Variants in LMNB2 observed in about 807,000 individuals in gnomAD.
The protein encoded by LMNB2 is lamin-B2.
A neutral mutation model predicts 69.3 loss-of-function variants in LMNB2; 17 were observed. That is an observed-to-expected ratio of 0.25 (90% CI 0.17 to 0.37). LMNB2 has a LOEUF of 0.37. Ranked by LOEUF, LMNB2 falls within the 10% of genes least tolerant of loss-of-function variation. The pLI is 1.00. For missense variants in LMNB2, 789 were observed against 883.6 expected (o/e 0.89, Z 1.36); for synonymous variants, 397 against 389.3 (o/e 1.02, Z -0.23).
rs1311321128 is a variant in LMNB2 at position 2,431,766 on chromosome 19, A to G, written c.1710+17T>C. 6.2e-7 allele frequency: 1 copy of G among 1,613,474 alleles called. No individual in the cohort carries two copies. Among genetic ancestry groups the G allele is most frequent in the African/African-American group, 1.3e-5 (1 of 74,836 alleles). ...CCAGGACTCCAGCCGAGCACCCCCC[A>G]AGCCACACACACCCACCTCGCCATC... On this transcript the variant is annotated intron_variant, in intron 10 of 11. Coordinates refer to ENST00000325327, the MANE Select transcript of LMNB2 (RefSeq NM_032737.4).
intron 9 of LMNB2, among the ~76,000 whole-genome samples, 197 bp downstream of exon 9, chr19:2,432,219 C>T (rs953049575): frequency 6.6e-6 from 1 of 152,140 alleles, no homozygotes; most frequent in African/African-American, 2.4e-5. Flanking sequence ...ACCCAGGGCA[C>T]ACCACTCAGG....
chr19:2,431,097 T>C lies in LMNB2; in HGVS notation c.1822-145A>G, dbSNP rs567462179. 43 of 707,238 alleles carry C rather than the reference T, an allele frequency of 6.1e-5. No homozygotes were observed. The East Asian group carries it at 8.9e-4, about 15-fold the overall frequency. 43.8% of individuals were successfully genotyped at this position (707,238 alleles called of 1,614,324 possible). A position where few individuals can be genotyped will look rare whatever the true frequency, so the allele number is the denominator to read the frequency against. ...TCTAGAGCCTTCCATTCCACTTCCA[T>C]GTCCCCATGAGCCCGCCTGTGAGCT... On this transcript the variant is annotated intron_variant, in intron 11 of 11. Coordinates refer to ENST00000325327, the MANE Select transcript of LMNB2 (RefSeq NM_032737.4).
rs548747837 is a variant in LMNB2, at chr19:2,441,888, A to T, written c.401+2516T>A. Among the ~76,000 whole-genome samples, 217 of 152,350 alleles carry T rather than the reference A, an allele frequency of 1.4e-3. 1 individual carries two copies. The highest frequency in any genetic ancestry group is 5.1e-3 in the African/African-American group (214 of 41,582). ...GGGTGAGGTGGAAGAGGCAGGCTGCAGACCAGCTCAGAGGACTGGAGCGGA... is the reference window on the plus strand; with the variant it reads ...GGGTGAGGTGGAAGAGGCAGGCTGCTGACCAGCTCAGAGGACTGGAGCGGA... On this transcript the variant is annotated intron_variant, in intron 2 of 11. Transcript: ENST00000325327.
Position 2,431,983 on chromosome 19 carries a change from A to C in LMNB2, c.1591-81T>G. The C allele has an allele frequency of 2.6e-6, 4 of 1,526,762 alleles. No homozygotes were observed. The East Asian group carries it at 7.2e-5, about 28-fold the overall frequency. 94.6% of individuals were successfully genotyped at this position (1,526,762 alleles called of 1,614,324 possible). A position where few individuals can be genotyped will look rare whatever the true frequency, so the allele number is the denominator to read the frequency against. On this transcript the variant is annotated intron_variant, in intron 9 of 11. Coordinates refer to ENST00000325327, the MANE Select transcript of LMNB2 (RefSeq NM_032737.4). Reference sequence around the variant, plus strand: ...GGCCAGCCAGTGGCCCCTACCACAAAGCCCCCTTCAATGCCCTGGGCGTTC... The same window carrying C: ...GGCCAGCCAGTGGCCCCTACCACAACGCCCCCTTCAATGCCCTGGGCGTTC...
Position 2,456,683 on chromosome 19 carries a change from ACCT to A in LMNB2, c.248_250del (p.Glu83del), listed in dbSNP as rs1972094833. ...CCCGGCGCCCACCTCGCGCGTGGTC[ACCT>A]CCTCCTTCTCTGAGATCTTGAGCAG... On this transcript the variant is annotated inframe_deletion, in exon 1 of 12. Coordinates refer to ENST00000325327, the MANE Select transcript of LMNB2 (RefSeq NM_032737.4). The A allele has an allele frequency of 6.5e-7, 1 of 1,546,586 alleles. No individual in the cohort carries two copies. The highest frequency in any genetic ancestry group is 1.2e-5 in the South Asian group (1 of 84,824).
chr19:2,438,624 G>A, intron 2 of LMNB2, 93 bp from the exon 3 acceptor site: 12 of 1,469,686 alleles, frequency 8.2e-6, no homozygotes, highest in Non-Finnish European at 1.1e-5. Context: ...CCAAAGACAA[G>A]GTCACCGAGG....
At chr19:2,454,234 G>A (rs530674226) in intron 1 of LMNB2, among the ~76,000 whole-genome samples, 37 of 150,952 alleles carry the variant, frequency 2.5e-4, no homozygotes, top group African/African-American at 8.8e-4. Context: ...CAGAGGGTGC[G>A]GGGAGCTAAG....
At position 2,438,293 on chromosome 19, in the gene LMNB2, G is replaced by C. The variant is rs748713561; in HGVS notation, c.559-5C>G. ...CACTGCATGACCGTCCTCGGCCTGG[G>C]AGACACAGGACAGCGAGCTGGTGTG... On this transcript the variant is annotated splice_region_variant and splice_polypyrimidine_tract_variant and intron_variant, in intron 3 of 11. Coordinates refer to ENST00000325327, the MANE Select transcript of LMNB2 (RefSeq NM_032737.4). 6.2e-7 allele frequency: 1 copy of C among 1,613,944 alleles called. No homozygotes were observed. Among genetic ancestry groups the C allele is most frequent in the Non-Finnish European group, 8.5e-7 (1 of 1,180,036 alleles).
intron 4 of LMNB2, among the ~76,000 whole-genome samples, chr19:2,435,509 CCA>C (rs1971811859): frequency 6.6e-6 from 1 of 152,146 alleles, no homozygotes; most frequent in Non-Finnish European, 1.5e-5. Context: ...ACAGGCCCAT[CCA>C]CAGAGACAGG....
At chr19:2,456,619 GC>G in intron 1 of LMNB2, 50 bp downstream of exon 1, 2 of 1,411,706 alleles carry the variant, frequency 1.4e-6, no homozygotes, top group Non-Finnish European at 1.9e-6. Flanking sequence ...CCCGCGGTGG[GC>G]GGGGCCTGCC....
chr19:2,431,149 A>C (rs1340389316), intron 11 of LMNB2, among the ~76,000 whole-genome samples, 197 bp from the exon 12 acceptor site: 2 of 152,226 alleles, frequency 1.3e-5, no homozygotes, highest in Non-Finnish European at 2.9e-5. Flanking sequence ...GTTCCAAAAC[A>C]GTCACAGGAA....
At chr19:2,450,930 G>A (rs145460032) in intron 1 of LMNB2, among the ~76,000 whole-genome samples, 7 of 150,544 alleles carry the variant, frequency 4.6e-5, no homozygotes, top group Admixed American at 1.3e-4. Context: ...GCGCCCAGAC[G>A]GTTTTTACAT....
intron 1 of LMNB2, among the ~76,000 whole-genome samples, chr19:2,449,141 C>A (rs1256229803): frequency 6.6e-6 from 1 of 152,196 alleles, no homozygotes; most frequent in Non-Finnish European, 1.5e-5. Context: ...AAGCAATCTG[C>A]CTGCCCCAGC....
chr19:2,438,635 C>A, intron 2 of LMNB2, 104 bp from the exon 3 acceptor site: 3 of 1,389,166 alleles, frequency 2.2e-6, no homozygotes, highest in Non-Finnish European at 2.9e-6. Flanking sequence ...GTCACCGAGG[C>A]CTCCGAGCCC....
intron 2 of LMNB2, among the ~76,000 whole-genome samples, chr19:2,442,041 G>T (rs1036447297): frequency 6.6e-6 from 1 of 152,236 alleles, no homozygotes; most frequent in African/African-American, 2.4e-5. Context: ...AGCGCCAGGT[G>T]CTGAGTTAGA....
intron 2 of LMNB2, among the ~76,000 whole-genome samples, chr19:2,442,977 C>A (rs1971915070): frequency 6.6e-6 from 1 of 152,198 alleles, no homozygotes; most frequent in Non-Finnish European, 1.5e-5. Flanking sequence ...GTAGTTCTGA[C>A]ATTTCAGAGC....
Position 2,433,995 on chromosome 19 carries a change from C to A in LMNB2, c.1313G>T (p.Arg438Leu), listed in dbSNP as rs758913468. The change falls in exon 8 of 12, where the codon CGG (arginine) becomes CTG (leucine). Residue 438 changes from arginine (R) to leucine (L), a missense_variant. By Grantham distance (102) the Arg-to-Leu change is moderately radical. This residue lies in a region of LMNB2 where 609 missense variants were observed against 630.9 expected (regional missense o/e 0.97). Transcript: ENST00000325327. The stretch of plus-strand genomic sequence containing the variant: ...GCCCAAGGGCTCCTCCACCTCCAGC[C>A]GCTTCCGCTTACTGCGGCCCAGGCG... ...TGRLGRSKRKRLEVEEPLGSG... is the reference protein window; with the variant it reads ...TGRLGRSKRKLLEVEEPLGSG... 4 of 1,609,892 alleles carry A rather than the reference C, an allele frequency of 2.5e-6. No homozygotes were observed. The Admixed American group carries it at 5.0e-5, about 20-fold the overall frequency.
rs1971699722 is a variant in LMNB2 at position 2,429,118 on chromosome 19, T to C, written c.*1793A>G. The C allele has an allele frequency of 6.6e-6, 1 of 152,262 alleles. No homozygotes were observed. The highest frequency in any genetic ancestry group is 6.5e-5 in the Admixed American group (1 of 15,274). 9.4% of individuals were successfully genotyped at this position (152,262 alleles called of 1,614,324 possible). ...TCCTCCAGAGCCAAAATACATAGGA[T>C]GTGGCTGAGACCACTGCAGACTCCC... On this transcript the variant is annotated 3_prime_UTR_variant, in exon 12 of 12. Transcript: ENST00000325327.
At position 2,447,252 on chromosome 19, in the gene LMNB2, G is replaced by A. The variant is rs1309320351; in HGVS notation, c.265-2712C>T. Among the ~76,000 whole-genome samples the A allele has an allele frequency of 6.6e-6, 1 of 152,202 alleles. No homozygotes were observed. On this transcript the variant is annotated intron_variant, in intron 1 of 11. Transcript: ENST00000325327. This position sits in a 1 kb window ranked among gnomAD's most constrained non-coding sequence, Gnocchi z 4.4. ...CAGGAACATGACCCAGCTGTGTAAC[G>A]GAGCAAGGTTCTGACACCACAGTGT...
Sources: allele counts gnomAD v4.1 joint callset (sites outside exome capture counted in the v4.1 genomes callset), GRCh38; gene constraint gnomAD v4.1.1; regional missense constraint gnomAD v4.1.1; non-coding constraint Gnocchi (gnomAD v3.1); transcripts MANE v1.5; gene names NCBI Gene and HGNC (gene_info 2026-07-23, HGNC 2026-07-21).